DPH7: variants seen among roughly 807,000 people sequenced by gnomAD.
The protein encoded by DPH7 is diphthine methyltransferase.
In DPH7, 44 loss-of-function variants were observed where a neutral mutation model predicts 41.7. The observed-to-expected ratio is 1.05, with a 90% CI of 0.83 to 1.36. DPH7 has a LOEUF of 1.36. Among genes scored for constraint, DPH7 ranks in the 40% most tolerant of loss-of-function variants. The pLI is 0.00. For missense variants in DPH7, 629 were observed against 577.5 expected (o/e 1.09, Z -0.91); for synonymous variants, 275 against 238.0 (o/e 1.16, Z -1.43).
At position 137,578,629 on chromosome 9, in the gene DPH7, T is replaced by C. The variant is rs1588960221; in HGVS notation, c.149A>G (p.Asn50Ser). The part of the protein sequence containing the change: ...RPEDRPAGPQ[N>S]KGGMEVKEPQ... Reference sequence around the variant, plus strand: ...CCGAAGCCGCGGCGCGCGCACCTTGTTCTGGGGGCCGGCAGGCCGGTCCTC... The same window carrying C: ...CCGAAGCCGCGGCGCGCGCACCTTGCTCTGGGGGCCGGCAGGCCGGTCCTC... Residue 50 changes from asparagine (N) to serine (S), a missense_variant, in exon 1 of 9, where the codon AAC (asparagine) becomes AGC (serine). Physicochemically the swap from Asn to Ser is conservative, Grantham distance 46. Transcript: ENST00000277540. 1.3e-6 allele frequency: 2 copies of C among 1,492,342 alleles called. No homozygotes were observed. The highest frequency in any genetic ancestry group is 8.9e-7 in the Non-Finnish European group (1 of 1,124,982). 92.4% of individuals were successfully genotyped at this position (1,492,342 alleles called of 1,614,324 possible).
chr9:137,563,232 C>T (rs143148859), intron 8 of DPH7, among the ~76,000 whole-genome samples: 1,899 of 152,080 alleles, frequency 0.012, 20 homozygotes, highest in Middle Eastern at 0.027. Context: ...ACTAAAGATG[C>T]AAAACACAGA....
intron 3 of DPH7, 198 bp from the exon 4 acceptor site, chr9:137,575,041 C>A: frequency 7.3e-7 from 1 of 1,370,886 alleles, no homozygotes; most frequent in Non-Finnish European, 9.4e-7. Flanking sequence ...GACACTGGAG[C>A]TCACACTCCT....
intron 2 of DPH7, 150 bp downstream of exon 2, chr9:137,577,320 C>G: frequency 1.3e-6 from 1 of 768,912 alleles, no homozygotes; most frequent in South Asian, 1.9e-5. Context: ...CCAGGTAAAG[C>G]ACTCCCCAGG....
Position 137,555,364 on chromosome 9 carries a change from C to T in DPH7, c.1234G>A (p.Ala412Thr), listed in dbSNP as rs199650995. Residue 412 changes from alanine (A) to threonine (T), a missense_variant, in exon 9 of 9, where the codon GCT becomes ACT. Transcript: ENST00000277540. ...CAGTCACGTGTGGTGGCTGCTGTAG[C>T]CTGCAGCCAGGTGCCATTCTTCCTC... is the stretch of plus-strand genomic sequence containing the variant. Reference protein sequence around the residue: ...GMRKNGTWLQATAATTRDCGV... With the variant: ...GMRKNGTWLQTTAATTRDCGV... 24 of 1,614,078 alleles carry T rather than the reference C, an allele frequency of 1.5e-5. No individual in the cohort carries two copies. The highest frequency in any genetic ancestry group is 1.9e-5 in the Non-Finnish European group (22 of 1,180,044).
intron 8 of DPH7, among the ~76,000 whole-genome samples, chr9:137,563,296 G>T (rs2132946700): frequency 6.6e-6 from 1 of 152,274 alleles, no homozygotes; most frequent in South Asian, 2.1e-4. Context: ...ACTTCGGGAG[G>T]CCAAGGCAGG....
In DPH7 at chr9:137,574,257, C is replaced by G; in HGVS notation, c.591G>C (p.Glu197Asp). The change falls in exon 5 of 9, where the codon GAG (glutamate) becomes GAC (aspartate). Residue 197 changes from glutamate (E) to aspartate (D), a missense_variant. Glu to Asp is a conservative substitution (Grantham distance 45, BLOSUM62 2). Transcript: ENST00000277540. ...AGTAATTGAAAGCAGCAATCCAGGC[C>G]TCGAATTGATGTGCCTGCCATGAGG... ...KVASWQAHQF[E>D]AWIAAFNYWH... The G allele has an allele frequency of 3.7e-6, 6 of 1,614,148 alleles. No individual in the cohort carries two copies. Among genetic ancestry groups the G allele is most frequent in the Non-Finnish European group, 5.1e-6 (6 of 1,180,036 alleles).
intron 2 of DPH7, 104 bp from the exon 3 acceptor site, chr9:137,576,271 A>G (rs989698428): frequency 2.0e-6 from 2 of 987,404 alleles, no homozygotes; most frequent in African/African-American, 3.2e-5. Flanking sequence ...ACGGGGCTGC[A>G]GTCCACGCAA....
Position 137,556,137 on chromosome 9 carries a change from G to A in DPH7, c.950-489C>T, listed in dbSNP as rs545675085. ...GGAGCGTCCCAAGCATGCAGGGTCC[G>A]GCACGCCCTGTTTCAGAGTCTGGAT... On this transcript the variant is annotated intron_variant, in intron 8 of 8. Transcript: ENST00000277540. This position sits in a 1 kb window ranked among gnomAD's most constrained non-coding sequence, Gnocchi z 5.2. 4.9e-4 allele frequency among the ~76,000 whole-genome samples: 74 copies of A among 152,270 alleles called. 1 individual carries two copies. The highest frequency in any genetic ancestry group is 1.1e-3 in the African/African-American group (47 of 41,544).
intron 5 of DPH7, among the ~76,000 whole-genome samples, chr9:137,569,205 T>G (rs1017554802): frequency 3.3e-5 from 5 of 151,702 alleles, no homozygotes; most frequent in African/African-American, 1.2e-4. Context: ...CACCCACCCC[T>G]GCATCATCCA....
At position 137,556,995 on chromosome 9, in the gene DPH7, C is replaced by G. The variant is rs1386074581; in HGVS notation, c.950-1347G>C. ...TTTTCAAGACAGGACCTCACTCTGT[C>G]GCATAGGCTGGAGTGCACTGACCTG... On this transcript the variant is annotated intron_variant, in intron 8 of 8. Transcript: ENST00000277540. The surrounding 1 kb of genome is among the most constrained non-coding windows in gnomAD (Gnocchi z 5.2). The G allele has an allele frequency of 2.3e-6, 1 of 437,052 alleles. No homozygotes were observed. The highest frequency in any genetic ancestry group is 4.6e-6 in the Non-Finnish European group (1 of 217,342). The allele number at this position is 437,052 out of a possible 1,614,324, so 27.1% of individuals were successfully genotyped here.
chr9:137,565,124 T>A lies in DPH7; in HGVS notation c.671A>T (p.Asp224Val). ...GAGAAATTTGCCGGGTACCCTGGTGTCCCAGCCCCTCAGAAGGCCATCGTC... is the reference window on the plus strand; with the variant it reads ...GAGAAATTTGCCGGGTACCCTGGTGACCCAGCCCCTCAGAAGGCCATCGTC... ...GGDDGLLRGW[D>V]TRVPGKFLFT... Residue 224 changes from aspartate (D) to valine (V), a missense_variant, in exon 6 of 9, where the codon GAC (aspartate) becomes GTC (valine). Asp to Val is a radical substitution (Grantham distance 152). Coordinates refer to ENST00000277540, the MANE Select transcript of DPH7 (RefSeq NM_138778.5). 1 of 1,614,022 alleles carries A rather than the reference T, an allele frequency of 6.2e-7. No individual in the cohort carries two copies. The highest frequency in any genetic ancestry group is 8.5e-7 in the Non-Finnish European group (1 of 1,180,026).
At chr9:137,577,164 T>C (rs538836590) in intron 2 of DPH7, among the ~76,000 whole-genome samples, 3 of 152,258 alleles carry the variant, frequency 2.0e-5, no homozygotes, top group Admixed American at 2.0e-4. Flanking sequence ...AAAACATAAT[T>C]ATGCCACACA....
chr9:137,578,411 C>A, intron 1 of DPH7: 1 of 473,406 alleles, frequency 2.1e-6, no homozygotes. Flanking sequence ...CGTGATCCGT[C>A]CGCCTCGGCC....
chr9:137,575,292 T>C (rs1392699831), intron 3 of DPH7: 1 of 994,206 alleles, frequency 1.0e-6, no homozygotes, highest in Non-Finnish European at 1.2e-6. Context: ...CGAGCAGCCA[T>C]GAGAACGTGG....
rs1054734561 is a variant in DPH7, at chr9:137,556,880, C to T, written c.950-1232G>A. On this transcript the variant is annotated intron_variant, in intron 8 of 8. Transcript: ENST00000277540. The surrounding 1 kb of genome is among the most constrained non-coding windows in gnomAD (Gnocchi z 5.2). ...GAGCCACAGCCTGGGAAAAAGACAG[C>T]GAATGAGTGGACGGAAGACACTGTT... 16 of 456,508 alleles carry T rather than the reference C, an allele frequency of 3.5e-5. No homozygotes were observed. Among genetic ancestry groups the T allele is most frequent in the Non-Finnish European group, 6.6e-5 (15 of 226,944 alleles). 28.3% of individuals were successfully genotyped at this position (456,508 alleles called of 1,614,324 possible). A position where few individuals can be genotyped will look rare whatever the true frequency, so the allele number is the denominator to read the frequency against.
rs753840523 is a variant in DPH7 at position 137,555,460 on chromosome 9, A to G, written c.1138T>C (p.Cys380Arg). Residue 380 changes from cysteine to arginine, a missense_variant, in exon 9 of 9, where the codon TGC (cysteine) becomes CGC (arginine). Physicochemically the swap from Cys to Arg is radical, Grantham distance 180 (BLOSUM62 -3). Coordinates refer to ENST00000277540, the MANE Select transcript of DPH7 (RefSeq NM_138778.5). ...ASELPTPCHECREDNDGEGHA... is the reference protein window; with the variant it reads ...ASELPTPCHERREDNDGEGHA... Reference sequence around the variant, plus strand: ...CCCTCCCCATCGTTATCCTCTCTGCATTCATGACAGGGTGTTGGCAACTCG... The same window carrying G: ...CCCTCCCCATCGTTATCCTCTCTGCGTTCATGACAGGGTGTTGGCAACTCG... 6.2e-7 allele frequency: 1 copy of G among 1,614,036 alleles called. No homozygotes were observed. The highest frequency in any genetic ancestry group is 8.5e-7 in the Non-Finnish European group (1 of 1,179,986).
intron 3 of DPH7, chr9:137,575,837 G>C: frequency 1.0e-5 from 14 of 1,335,776 alleles, no homozygotes; most frequent in Non-Finnish European, 1.3e-5. Flanking sequence ...CCACTGACAG[G>C]TCAATGAACA....
chr9:137,578,674 G>T lies in DPH7; in HGVS notation c.104C>A (p.Thr35Asn). 6.5e-7 allele frequency: 1 copy of T among 1,527,678 alleles called. No individual in the cohort carries two copies. The allele number at this position is 1,527,678 out of a possible 1,614,324, so 94.6% of individuals were successfully genotyped here. A position where few individuals can be genotyped will look rare whatever the true frequency, so the allele number is the denominator to read the frequency against. Residue 35 changes from threonine (T) to asparagine (N), a missense_variant, in exon 1 of 9, where the codon ACC becomes AAC. Physicochemically the swap from Thr to Asn is moderately conservative, Grantham distance 65. Coordinates refer to ENST00000277540, the MANE Select transcript of DPH7 (RefSeq NM_138778.5). The stretch of plus-strand genomic sequence containing the variant: ...GTCCTCCGGCCGCCGCAGCTGGTAG[G>T]TCCCGCACGCCAGCAGGTGCCTGCA... ...QGCRHLLACG[T>N]YQLRRPEDRP...
intron 5 of DPH7, 36 bp from the exon 6 acceptor site, chr9:137,565,190 G>C (rs1839399983): frequency 1.9e-6 from 3 of 1,606,412 alleles, no homozygotes; most frequent in Admixed American, 3.3e-5. Context: ...CACCACTAAT[G>C]ACAGGAAATG....
Sources: gnomAD v4.1 joint callset for allele counts (sites outside exome capture counted in the v4.1 genomes callset) on GRCh38, gnomAD v4.1.1 for gene constraint, Gnocchi (gnomAD v3.1) non-coding constraint, MANE v1.5 for transcripts, NCBI Gene and HGNC (gene_info 2026-07-23, HGNC 2026-07-21) for gene names.